The following PAPPA variants were observed in gnomAD, a reference collection of about 807,000 sequenced individuals.
The protein encoded by PAPPA is pappalysin 1, also known as pappalysin-1.
PAPPA carries 60 observed loss-of-function variants against 164.0 expected under a neutral mutation model. The ratio of observed to expected loss-of-function variants is 0.37; its 90% CI spans 0.30 to 0.45. The LOEUF (loss-of-function observed/expected upper bound fraction) is 0.45, where lower values mean the gene tolerates loss of function less well. Among genes scored for constraint, PAPPA ranks in the 20% least tolerant of loss-of-function variants. The pLI is 1.00. For missense variants in PAPPA, 1,782 were observed against 2,087.3 expected (o/e 0.85, Z 2.85); for synonymous variants, 875 against 814.1 (o/e 1.07, Z -1.27).
chr9:116,167,769 C>T (rs1843733262), intron 1 of PAPPA, among the ~76,000 whole-genome samples: 1 of 152,160 alleles, frequency 6.6e-6, no homozygotes, highest in African/African-American at 2.4e-5. Flanking sequence ...AGGATGACCC[C>T]TTTACAGAAA....
intron 1 of PAPPA, among the ~76,000 whole-genome samples, chr9:116,182,060 G>A (rs1843912364): frequency 6.6e-6 from 1 of 152,204 alleles, no homozygotes; most frequent in Non-Finnish European, 1.5e-5. Context: ...CCATGACTAA[G>A]AGCCTGGGTG....
rs1847060066 is a variant in PAPPA, at chr9:116,401,767, C to T, written c.*5151C>T. On this transcript the variant is annotated 3_prime_UTR_variant, in exon 22 of 22. Transcript: ENST00000328252. ...ATATGATGTTGAAACCTGTTTGGCA[C>T]CTTCTGGAAGCTACCAAAAAAATGA... 6.7e-6 allele frequency: 1 copy of T among 150,242 alleles called. No individual in the cohort carries two copies. The highest frequency in any genetic ancestry group is 1.5e-5 in the Non-Finnish European group (1 of 67,588). The allele number at this position is 150,242 out of a possible 1,614,324, so 9.3% of individuals were successfully genotyped here. A position where few individuals can be genotyped will look rare whatever the true frequency, so the allele number is the denominator to read the frequency against.
At chr9:116,386,574 T>C (rs1386019619) in intron 21 of PAPPA, among the ~76,000 whole-genome samples, 1 of 152,142 alleles carries the variant, frequency 6.6e-6, no homozygotes, top group Admixed American at 6.5e-5. Context: ...ACTTGGCAAA[T>C]GAGTGGGGAA....
chr9:116,352,031 GC>G (rs563262938), intron 15 of PAPPA, among the ~76,000 whole-genome samples: 3 of 152,312 alleles, frequency 2.0e-5, no homozygotes, highest in Non-Finnish European at 4.4e-5. Context: ...ACTTTTATTT[GC>G]AACGTTCCCC....
intron 21 of PAPPA, among the ~76,000 whole-genome samples, chr9:116,383,266 G>A (rs1846757130): frequency 6.6e-6 from 1 of 152,194 alleles, no homozygotes; most frequent in Non-Finnish European, 1.5e-5. Context: ...GCTAGCCTGG[G>A]CTGAGAAGCG....
intron 14 of PAPPA, among the ~76,000 whole-genome samples, chr9:116,345,685 A>G (rs1846198484): frequency 6.6e-6 from 1 of 152,198 alleles, no homozygotes; most frequent in Admixed American, 6.5e-5. Flanking sequence ...TCTAGCAGTA[A>G]GACTGGTAGC....
intron 15 of PAPPA, among the ~76,000 whole-genome samples, chr9:116,348,683 T>TA (rs1846243076): frequency 6.6e-6 from 1 of 152,092 alleles, no homozygotes; most frequent in Admixed American, 6.6e-5. Flanking sequence ...GCCCCAGTGT[T>TA]AGTTGTTCTC....
intron 1 of PAPPA, among the ~76,000 whole-genome samples, chr9:116,164,643 A>T (rs1027879302): frequency 6.6e-6 from 1 of 152,338 alleles, no homozygotes; most frequent in East Asian, 1.9e-4. Context: ...TGTAATCAAG[A>T]AGTCATTCCT....
chr9:116,274,241 T>C (rs537475156), intron 9 of PAPPA, among the ~76,000 whole-genome samples: 38 of 152,302 alleles, frequency 2.5e-4, no homozygotes, highest in African/African-American at 8.9e-4. Context: ...CCCCTGTATG[T>C]TCAGTGGAAT....
At position 116,353,515 on chromosome 9, in the gene PAPPA, C is replaced by G; in HGVS notation, c.4176-107C>G. On this transcript the variant is annotated intron_variant, in intron 16 of 21. Transcript: ENST00000328252. Reference sequence around the variant, plus strand: ...GAACCCAATAGGTCAGGTGGGGAATCAAAACTAGGAAATAGGAAATGGGGG... The same window carrying G: ...GAACCCAATAGGTCAGGTGGGGAATGAAAACTAGGAAATAGGAAATGGGGG... The G allele has an allele frequency of 1.3e-5, 13 of 1,033,072 alleles. No homozygotes were observed. In the South Asian group the frequency reaches 1.7e-4, roughly 13 times the overall value. The allele number at this position is 1,033,072 out of a possible 1,614,324, so 64.0% of individuals were successfully genotyped here.
At chr9:116,282,388 G>T (rs1023972367) in intron 9 of PAPPA, among the ~76,000 whole-genome samples, 1 of 152,144 alleles carries the variant, frequency 6.6e-6, no homozygotes, top group Admixed American at 6.5e-5. Flanking sequence ...CCATGAATAT[G>T]GAGGGCCAAC....
At chr9:116,231,337 C>G (rs893121933) in intron 6 of PAPPA, among the ~76,000 whole-genome samples, 5 of 152,004 alleles carry the variant, frequency 3.3e-5, no homozygotes, top group South Asian at 2.1e-4. Flanking sequence ...TTCCTCCTCC[C>G]CCTTCCTTAT....
intron 2 of PAPPA, among the ~76,000 whole-genome samples, chr9:116,194,203 T>C (rs1047121530): frequency 2.0e-5 from 3 of 152,210 alleles, no homozygotes; most frequent in African/African-American, 7.2e-5. Context: ...GTTTGTTAGC[T>C]ATGCAATCTT....
At chr9:116,336,196 C>T (rs1846059215) in intron 13 of PAPPA, among the ~76,000 whole-genome samples, 1 of 151,882 alleles carries the variant, frequency 6.6e-6, no homozygotes, top group African/African-American at 2.4e-5. Flanking sequence ...GAGTGAGGCT[C>T]TCTGAAAGTC....
At chr9:116,322,316 AG>A in intron 10 of PAPPA, among the ~76,000 whole-genome samples, 1 of 150,752 alleles carries the variant, frequency 6.6e-6, no homozygotes, top group South Asian at 2.1e-4. Context: ...GGGTGGAGGC[AG>A]GAGAACCGCT....
intron 7 of PAPPA, among the ~76,000 whole-genome samples, chr9:116,243,448 G>C (rs1844759330): frequency 2.6e-5 from 4 of 152,136 alleles, no homozygotes; most frequent in Non-Finnish European, 5.9e-5. Context: ...TTAGGTATTA[G>C]CATGCCTGAC....
chr9:116,228,270 A>G (rs1000873006), intron 6 of PAPPA, among the ~76,000 whole-genome samples: 3 of 152,190 alleles, frequency 2.0e-5, no homozygotes, highest in Admixed American at 2.0e-4. Context: ...CAGAGGCTCC[A>G]TACTTTCCTC....
intron 1 of PAPPA, among the ~76,000 whole-genome samples, chr9:116,165,141 C>T (rs1843706904): frequency 6.6e-6 from 1 of 152,224 alleles, no homozygotes; most frequent in African/African-American, 2.4e-5. Flanking sequence ...GTTACTTCTA[C>T]ATTGGTAGAT....
intron 1 of PAPPA, among the ~76,000 whole-genome samples, chr9:116,171,798 G>A (rs1843778881): frequency 6.6e-6 from 1 of 152,156 alleles, no homozygotes; most frequent in African/African-American, 2.4e-5. Context: ...TGGGCATTAT[G>A]GATATCTAGG....
Sources: gnomAD v4.1 joint callset for allele counts (sites outside exome capture counted in the v4.1 genomes callset) on GRCh38, gnomAD v4.1.1 for gene constraint, MANE v1.5 for transcripts, NCBI Gene and HGNC (gene_info 2026-07-23, HGNC 2026-07-21) for gene names.